KIF1B: variants seen among roughly 807,000 people sequenced by gnomAD.
The protein encoded by KIF1B is kinesin family member 1B.
KIF1B carries 76 observed loss-of-function variants against 241.9 expected under a neutral mutation model. The observed-to-expected ratio is 0.31, with a 90% CI of 0.26 to 0.38. The LOEUF (loss-of-function observed/expected upper bound fraction) is 0.38. Ranked by LOEUF, KIF1B falls within the 10% of genes least tolerant of loss-of-function variation. The pLI, the probability that KIF1B is intolerant of heterozygous loss-of-function variation, is 1.00. For synonymous variants in KIF1B, 750 were observed against 796.7 expected (o/e 0.94, Z 0.99); for missense variants, 1,622 against 2,271.4 (o/e 0.71, Z 5.81).
chr1:10,304,695 G>GTTTCAAA (rs760601314), intron 22 of KIF1B: 1 of 1,607,064 alleles, frequency 6.2e-7, no homozygotes, highest in South Asian at 1.1e-5. Context: ...AACAGACAGT[G>GTTTCAAA]TTAGCTCATG....
chr1:10,268,566 TTTC>T (rs1054226711), intron 7 of KIF1B, among the ~76,000 whole-genome samples: 10 of 152,114 alleles, frequency 6.6e-5, no homozygotes, highest in African/African-American at 2.2e-4. Flanking sequence ...AGTTCTTTCT[TTTC>T]TTCTTCTTGA....
chr1:10,300,836 A>ATT (rs1650506131), intron 22 of KIF1B, among the ~76,000 whole-genome samples: 1 of 152,232 alleles, frequency 6.6e-6, no homozygotes, highest in Non-Finnish European at 1.5e-5. Flanking sequence ...TGAAAAGAAA[A>ATT]ATTAATGTAG....
chr1:10,363,668 A>G (rs770752595), intron 41 of KIF1B, among the ~76,000 whole-genome samples: 3 of 152,182 alleles, frequency 2.0e-5, no homozygotes, highest in South Asian at 2.1e-4. Context: ...ACTGCAGCCT[A>G]GGTGACAGAG....
chr1:10,282,465 T>C lies in KIF1B; in HGVS notation c.1366T>C (p.Ser456Pro). ...ACTCAGTAGTCAGGTGGGCTTGACG[T>C]CTGTGACCAGTATTCAAGAGAGGAT... Reference protein sequence around the residue: ...CSLSSQVGLTSVTSIQERIMS... With the variant: ...CSLSSQVGLTPVTSIQERIMS... The change falls in exon 15 of 49, where the codon TCT becomes CCT. Residue 456 changes from serine to proline, a missense_variant. By Grantham distance (74) the Ser-to-Pro change is moderately conservative. Coordinates refer to ENST00000676179, the MANE Select transcript of KIF1B (RefSeq NM_001365951.3). 1 of 1,614,160 alleles carries C rather than the reference T, an allele frequency of 6.2e-7. No homozygotes were observed. The highest frequency in any genetic ancestry group is 8.5e-7 in the Non-Finnish European group (1 of 1,180,038).
At position 10,317,862 on chromosome 1, in the gene KIF1B, T is replaced by G. The variant is rs909958457; in HGVS notation, c.2116-2181T>G. ...AAAAAAATTGCCTGACATTTTGATA[T>G]TGTATTACCATGTAAGAGGGCTTTC... On this transcript the variant is annotated intron_variant, in intron 22 of 48. Coordinates refer to ENST00000676179, the MANE Select transcript of KIF1B (RefSeq NM_001365951.3). Among the ~76,000 whole-genome samples the G allele has an allele frequency of 3.6e-4, 55 of 151,204 alleles. 1 individual carries two copies. Among genetic ancestry groups the G allele is most frequent in the African/African-American group, 4.9e-5 (2 of 40,654 alleles).
chr1:10,363,606 T>C (rs1305017036), intron 41 of KIF1B, among the ~76,000 whole-genome samples: 1 of 152,104 alleles, frequency 6.6e-6, no homozygotes, highest in Admixed American at 6.6e-5. Flanking sequence ...GGCATGAGAA[T>C]TGCTTGAACC....
At chr1:10,264,524 T>G (rs369815416) in intron 5 of KIF1B, among the ~76,000 whole-genome samples, 1 of 152,252 alleles carries the variant, frequency 6.6e-6, no homozygotes, top group East Asian at 1.9e-4. Context: ...TTCCGGGGAT[T>G]CAGTATTGTA....
In KIF1B at chr1:10,267,363, T is replaced by A. The variant is rs767630302; in HGVS notation, c.430-17T>A. On this transcript the variant is annotated splice_polypyrimidine_tract_variant and intron_variant, in intron 5 of 48. Transcript: ENST00000676179. ...ATTTCTTTTTCACTCTAATTCACTT[T>A]ACTAATTTGTTCATAGGTGAGCTAC... 1 of 1,612,150 alleles carries A rather than the reference T, an allele frequency of 6.2e-7. No homozygotes were observed. The highest frequency in any genetic ancestry group is 1.1e-5 in the South Asian group (1 of 91,028).
At chr1:10,343,324 T>C (rs781598502) in intron 34 of KIF1B, 37 bp downstream of exon 34, 2 of 1,588,716 alleles carry the variant, frequency 1.3e-6, no homozygotes, top group Non-Finnish European at 1.7e-6. Flanking sequence ...GATGATCTCT[T>C]TGTGAATACA....
chr1:10,322,803 A>G (rs1455442362), intron 24 of KIF1B, among the ~76,000 whole-genome samples: 1 of 152,230 alleles, frequency 6.6e-6, no homozygotes, highest in Non-Finnish European at 1.5e-5. Flanking sequence ...TACTGTGCAT[A>G]GCATTTAATT....
At chr1:10,272,467 A>T (rs1237445410) in intron 9 of KIF1B, 161 bp downstream of exon 9, 3 of 689,598 alleles carry the variant, frequency 4.4e-6, no homozygotes, top group Non-Finnish European at 8.0e-6. Context: ...GGTATAACAC[A>T]GTTTGACTTT....
chr1:10,286,133 A>C (rs1195625121), intron 15 of KIF1B, among the ~76,000 whole-genome samples: 1 of 151,692 alleles, frequency 6.6e-6, no homozygotes, highest in Non-Finnish European at 1.5e-5. Context: ...TCCGCCTCCC[A>C]GGTTCAAGCA....
intron 7 of KIF1B, among the ~76,000 whole-genome samples, chr1:10,269,617 C>G (rs1015164482): frequency 6.6e-6 from 1 of 150,620 alleles, no homozygotes; most frequent in Admixed American, 6.6e-5. Flanking sequence ...GTCAGGAGTT[C>G]GAGACCAGCC....
At chr1:10,239,312 A>G (rs2102144973) in intron 2 of KIF1B, among the ~76,000 whole-genome samples, 1 of 152,172 alleles carries the variant, frequency 6.6e-6, no homozygotes, top group East Asian at 1.9e-4. Context: ...TTTTCCTTGC[A>G]TTTTACACAT....
At chr1:10,262,421 G>T (rs766448138) in intron 5 of KIF1B, among the ~76,000 whole-genome samples, 1 of 152,164 alleles carries the variant, frequency 6.6e-6, no homozygotes. Context: ...AAGTGCTGGG[G>T]TTGCAGTGTG....
intron 27 of KIF1B, among the ~76,000 whole-genome samples, chr1:10,328,273 A>T (rs1027883025): frequency 6.6e-6 from 1 of 152,210 alleles, no homozygotes; most frequent in Non-Finnish European, 1.5e-5. Flanking sequence ...AAATTAGAAG[A>T]TGATCATTCT....
At chr1:10,257,707 G>A (rs1048538067) in intron 3 of KIF1B, among the ~76,000 whole-genome samples, 3 of 151,574 alleles carry the variant, frequency 2.0e-5, no homozygotes, top group Non-Finnish European at 4.4e-5. Context: ...ACTGAGTCTC[G>A]CTCTGTTGCC....
intron 1 of KIF1B, among the ~76,000 whole-genome samples, chr1:10,212,684 G>A (rs908024112): frequency 6.6e-6 from 1 of 151,756 alleles, no homozygotes; most frequent in Non-Finnish European, 1.5e-5. Flanking sequence ...AGGAGTTCGA[G>A]ACCACCCTGG....
At chr1:10,268,130 G>C (rs748986572) in intron 6 of KIF1B, 22 bp from the exon 7 acceptor site, 1 of 1,518,682 alleles carries the variant, frequency 6.6e-7, no homozygotes, top group Admixed American at 1.7e-5. Context: ...CTTGTCACGT[G>C]GTCACCTTTA....
Sources: gnomAD v4.1 joint callset for allele counts (sites outside exome capture counted in the v4.1 genomes callset) on GRCh38, gnomAD v4.1.1 for gene constraint, MANE v1.5 for transcripts, NCBI Gene and HGNC (gene_info 2026-07-23, HGNC 2026-07-21) for gene names.